Variants in TGFB2 observed in about 807,000 individuals in gnomAD.
TGFB2 encodes the protein transforming growth factor beta-2 proprotein.
A neutral mutation model predicts 42.7 loss-of-function variants in TGFB2; 13 were observed. That is an observed-to-expected ratio of 0.30 (90% confidence interval 0.20 to 0.48). TGFB2 has a LOEUF of 0.48. TGFB2 is among the 20% of genes least tolerant of loss of function. TGFB2 has a pLI of 0.99. For missense variants in TGFB2, 390 were observed against 517.5 expected (o/e 0.75, Z 2.39); for synonymous variants, 193 against 193.6 (o/e 1.00, Z 0.03).
intron 1 of TGFB2, among the ~76,000 whole-genome samples, chr1:218,375,407 CT>C (rs549035841): frequency 4.2e-4 from 59 of 140,286 alleles, no homozygotes; most frequent in Admixed American, 1.2e-3. Flanking sequence ...CCTTTCTGAA[CT>C]TTTTTTTTTT....
Position 218,441,396 on chromosome 1 carries a change from A to T in TGFB2, c.*34A>T. 1 of 1,580,524 alleles carries T rather than the reference A, an allele frequency of 6.3e-7. No individual in the cohort carries two copies. Among genetic ancestry groups the T allele is most frequent in the Non-Finnish European group, 8.6e-7 (1 of 1,166,038 alleles). On this transcript the variant is annotated 3_prime_UTR_variant, in exon 7 of 7. Transcript: ENST00000366930. ...GAAAAGTGGCAAGACCAAAATGACA[A>T]TGATGATGATAATGATGATGACGAC...
At chr1:218,423,797 A>G (rs917849522) in intron 2 of TGFB2, among the ~76,000 whole-genome samples, 28 of 152,330 alleles carry the variant, frequency 1.8e-4, no homozygotes, top group African/African-American at 5.8e-4. Flanking sequence ...ACTCACACGT[A>G]TTGAATACCA....
intron 1 of TGFB2, among the ~76,000 whole-genome samples, chr1:218,351,555 A>C (rs1442609460): frequency 6.6e-6 from 1 of 152,104 alleles, no homozygotes; most frequent in East Asian, 1.9e-4. Context: ...CCTCTCAAAG[A>C]AGTATACTAT....
chr1:218,373,676 C>CTA (rs138825146), intron 1 of TGFB2, among the ~76,000 whole-genome samples: 5,067 of 152,152 alleles, frequency 0.033, 261 homozygotes, highest in African/African-American at 0.12. Flanking sequence ...AAAGCTCATC[C>CTA]TATTCATCAC....
intron 1 of TGFB2, among the ~76,000 whole-genome samples, chr1:218,398,650 C>A (rs1658605882): frequency 6.6e-6 from 1 of 151,820 alleles, no homozygotes; most frequent in Non-Finnish European, 1.5e-5. Flanking sequence ...TGCAGTGGTG[C>A]AATCTCGGCT....
chr1:218,375,553 A>G (rs968612990), intron 1 of TGFB2, among the ~76,000 whole-genome samples: 3 of 152,174 alleles, frequency 2.0e-5, no homozygotes, highest in Non-Finnish European at 4.4e-5. Context: ...TCATTCAATC[A>G]ATCATTTTAA....
intron 2 of TGFB2, among the ~76,000 whole-genome samples, chr1:218,406,304 A>AATGATG (rs1258360267): frequency 4.6e-5 from 7 of 151,778 alleles, no homozygotes; most frequent in Non-Finnish European, 8.8e-5. Context: ...GTCAAAATGT[A>AATGATG]ATGATGATGA....
In TGFB2 at chr1:218,419,417, C is replaced by G. The variant is rs1302868758; in HGVS notation, c.510+14085C>G. On this transcript the variant is annotated intron_variant, in intron 2 of 6. Coordinates refer to ENST00000366930, the MANE Select transcript of TGFB2 (RefSeq NM_003238.6). Reference sequence around the variant, plus strand: ...CCTAAGATCTCAGAGTCGCTTTTCCCAACACATCCTAGCCCCAATGTCTAC... The same window carrying G: ...CCTAAGATCTCAGAGTCGCTTTTCCGAACACATCCTAGCCCCAATGTCTAC... Among the ~76,000 whole-genome samples the G allele has an allele frequency of 1.3e-5, 2 of 152,148 alleles. 1 individual carries two copies. Among genetic ancestry groups the G allele is most frequent in the South Asian group, 4.1e-4 (2 of 4,828 alleles).
chr1:218,395,180 A>G (rs1175047280), intron 1 of TGFB2, among the ~76,000 whole-genome samples: 7 of 152,170 alleles, frequency 4.6e-5, no homozygotes, highest in Admixed American at 3.3e-4. Context: ...CAGCAGCACT[A>G]GGCACCAATG....
At chr1:218,379,318 A>G (rs545714982) in intron 1 of TGFB2, among the ~76,000 whole-genome samples, 5 of 151,622 alleles carry the variant, frequency 3.3e-5, no homozygotes, top group Non-Finnish European at 5.9e-5. Flanking sequence ...TATTTTTAGT[A>G]GAGACAGGGT....
chr1:218,419,192 T>C (rs567641260), intron 2 of TGFB2, among the ~76,000 whole-genome samples: 101 of 151,974 alleles, frequency 6.6e-4, no homozygotes, highest in Middle Eastern at 3.4e-3. Context: ...AATTTCCCCC[T>C]CATTCATAGG....
chr1:218,415,033 T>C (rs1659228494), intron 2 of TGFB2, among the ~76,000 whole-genome samples: 1 of 152,118 alleles, frequency 6.6e-6, no homozygotes, highest in African/African-American at 2.4e-5. Flanking sequence ...AGGCATAGCT[T>C]TGGTCCTTTG....
At chr1:218,401,323 T>C (rs1407101909) in intron 1 of TGFB2, among the ~76,000 whole-genome samples, 1 of 152,228 alleles carries the variant, frequency 6.6e-6, no homozygotes, top group Non-Finnish European at 1.5e-5. Context: ...TTAGATTTTC[T>C]CAGGTTTTTT....
chr1:218,428,824 T>G (rs1659711994), intron 2 of TGFB2, among the ~76,000 whole-genome samples: 1 of 152,144 alleles, frequency 6.6e-6, no homozygotes, highest in African/African-American at 2.4e-5. Flanking sequence ...TGTGGGCTCT[T>G]TTTTGGTTCC....
intron 2 of TGFB2, among the ~76,000 whole-genome samples, chr1:218,415,425 TG>T (rs1484208016): frequency 6.6e-6 from 1 of 151,964 alleles, no homozygotes; most frequent in Non-Finnish European, 1.5e-5. Flanking sequence ...CCGGGCGCGG[TG>T]GCTCATGCCT....
At chr1:218,359,797 C>T (rs911038622) in intron 1 of TGFB2, among the ~76,000 whole-genome samples, 14 of 152,256 alleles carry the variant, frequency 9.2e-5, no homozygotes, top group African/African-American at 3.1e-4. Context: ...GGGATTAGGG[C>T]AGGAGCTTAT....
At chr1:218,412,511 C>G (rs554666586) in intron 2 of TGFB2, among the ~76,000 whole-genome samples, 1 of 152,206 alleles carries the variant, frequency 6.6e-6, no homozygotes, top group Non-Finnish European at 1.5e-5. Flanking sequence ...TTTCAGTGTG[C>G]GTACTCACAT....
intron 6 of TGFB2, among the ~76,000 whole-genome samples, chr1:218,440,987 T>C (rs549477161): frequency 1.3e-5 from 2 of 152,326 alleles, no homozygotes; most frequent in East Asian, 3.9e-4. Flanking sequence ...GCTTAAGATG[T>C]GTGGAAAACG....
At chr1:218,412,160 GGTCTT>G (rs1373898713) in intron 2 of TGFB2, among the ~76,000 whole-genome samples, 8 of 152,210 alleles carry the variant, frequency 5.3e-5, no homozygotes, top group Middle Eastern at 3.4e-3. Context: ...GGTTACTCAG[GGTCTT>G]GTGAAGAAAT....
Sources: allele counts gnomAD v4.1 joint callset (sites outside exome capture counted in the v4.1 genomes callset), GRCh38; gene constraint gnomAD v4.1.1; transcripts MANE v1.5; gene names NCBI Gene and HGNC (gene_info 2026-07-23, HGNC 2026-07-21).